GABRB1: variants seen among roughly 807,000 people sequenced by gnomAD.
GABRB1 encodes the protein gamma-aminobutyric acid type A receptor subunit beta1.
A neutral mutation model predicts 51.6 loss-of-function variants in GABRB1; 17 were observed. That is an observed-to-expected ratio of 0.33 (90% CI 0.23 to 0.49). GABRB1 has a LOEUF of 0.49. GABRB1 is among the 20% of genes least tolerant of loss of function. The probability of loss-of-function intolerance (pLI) is 0.99; values close to 1 mark genes in which losing one functional copy is unlikely to be tolerated. For missense variants in GABRB1, 410 were observed against 600.6 expected, an observed-to-expected ratio of 0.68 and a Z score of 3.32; for synonymous variants, 247 against 218.9, an observed-to-expected ratio of 1.13 and a Z score of -1.14.
intron 3 of GABRB1, among the ~76,000 whole-genome samples, chr4:47,126,740 T>C (rs1215300585): frequency 6.6e-6 from 1 of 152,080 alleles, no homozygotes; most frequent in Non-Finnish European, 1.5e-5. Context: ...AGGAAGCTTG[T>C]CATTTGTTTA....
intron 4 of GABRB1, among the ~76,000 whole-genome samples, chr4:47,217,637 T>C (rs1390417143): frequency 6.6e-6 from 1 of 151,770 alleles, no homozygotes; most frequent in Admixed American, 6.6e-5. Flanking sequence ...TCTCTTTATT[T>C]CCCTCCCCAG....
At chr4:47,219,026 G>A (rs1720663606) in intron 4 of GABRB1, among the ~76,000 whole-genome samples, 2 of 151,758 alleles carry the variant, frequency 1.3e-5, no homozygotes, top group African/African-American at 2.4e-5. Context: ...AAAACTTGAT[G>A]TTATTATTAA....
intron 3 of GABRB1, among the ~76,000 whole-genome samples, chr4:47,122,485 G>C (rs1268155441): frequency 6.6e-6 from 1 of 152,134 alleles, no homozygotes; most frequent in Non-Finnish European, 1.5e-5. Context: ...GCAACTGAAA[G>C]AGTAAAAGGT....
chr4:47,236,697 G>T (rs994275039), intron 4 of GABRB1, among the ~76,000 whole-genome samples: 1 of 152,126 alleles, frequency 6.6e-6, no homozygotes, highest in Non-Finnish European at 1.5e-5. Context: ...TAAAACAAAG[G>T]CAGAAAGGGA....
At chr4:47,095,971 T>A (rs1714408784) in intron 3 of GABRB1, among the ~76,000 whole-genome samples, 1 of 152,212 alleles carries the variant, frequency 6.6e-6, no homozygotes, top group South Asian at 2.1e-4. Context: ...AGTAGGATAA[T>A]GACAAGTATC....
At chr4:47,036,786 C>T (rs1725589965) in intron 3 of GABRB1, among the ~76,000 whole-genome samples, 1 of 151,590 alleles carries the variant, frequency 6.6e-6, no homozygotes, top group Admixed American at 6.6e-5. Context: ...CACTTGAACC[C>T]AGGAGGCTGG....
chr4:47,067,489 C>T (rs192478404), intron 3 of GABRB1, among the ~76,000 whole-genome samples: 3 of 152,292 alleles, frequency 2.0e-5, no homozygotes, highest in African/African-American at 7.2e-5. Flanking sequence ...TAGCCAACTT[C>T]ATCAATTATC....
intron 4 of GABRB1, among the ~76,000 whole-genome samples, chr4:47,181,526 T>C (rs1430387380): frequency 6.6e-6 from 1 of 152,014 alleles, no homozygotes; most frequent in Non-Finnish European, 1.5e-5. Flanking sequence ...GAGTTCTAAT[T>C]CTCGTTCCAT....
At chr4:47,037,563 T>TG (rs1446667515) in intron 3 of GABRB1, among the ~76,000 whole-genome samples, 1 of 151,026 alleles carries the variant, frequency 6.6e-6, no homozygotes, top group East Asian at 1.9e-4. Flanking sequence ...TTTTGTTTTT[T>TG]TTTTTTACTC....
chr4:47,340,525 G>C (rs1342903869), intron 5 of GABRB1, among the ~76,000 whole-genome samples: 4 of 152,112 alleles, frequency 2.6e-5, no homozygotes, highest in Non-Finnish European at 5.9e-5. Context: ...CTCCTGGTGA[G>C]GGCCCACTTC....
chr4:47,290,138 C>G (rs1391355826), intron 4 of GABRB1, among the ~76,000 whole-genome samples: 1 of 152,154 alleles, frequency 6.6e-6, no homozygotes, highest in Admixed American at 6.5e-5. Context: ...TGGACTGATA[C>G]AGTTTGGCTA....
chr4:47,060,924 G>T (rs536188125), intron 3 of GABRB1, among the ~76,000 whole-genome samples: 1 of 152,202 alleles, frequency 6.6e-6, no homozygotes, highest in African/African-American at 2.4e-5. Context: ...TAAATGTTAA[G>T]TGTCCAATTC....
chr4:47,053,929 G>A (rs1484936270), intron 3 of GABRB1, among the ~76,000 whole-genome samples: 1 of 152,094 alleles, frequency 6.6e-6, no homozygotes, highest in Non-Finnish European at 1.5e-5. Context: ...TGTTGCACGT[G>A]CATTGCTTTT....
At chr4:47,181,720 A>G (rs1198278686) in intron 4 of GABRB1, among the ~76,000 whole-genome samples, 1 of 152,042 alleles carries the variant, frequency 6.6e-6, no homozygotes, top group African/African-American at 2.4e-5. Context: ...TATTGTTGTA[A>G]TGATTAGCAT....
chr4:47,303,848 C>T (rs1191147581), intron 4 of GABRB1, among the ~76,000 whole-genome samples: 1 of 151,982 alleles, frequency 6.6e-6, no homozygotes, highest in Non-Finnish European at 1.5e-5. Context: ...TGGTAACCAG[C>T]ATTCTATTCT....
intron 5 of GABRB1, among the ~76,000 whole-genome samples, chr4:47,328,859 T>C (rs1725353508): frequency 6.6e-6 from 1 of 151,394 alleles, no homozygotes; most frequent in Non-Finnish European, 1.5e-5. Flanking sequence ...ATGGCACATG[T>C]ATACATATGT....
At chr4:47,391,988 G>A (rs372168560) in intron 5 of GABRB1, among the ~76,000 whole-genome samples, 60 of 152,030 alleles carry the variant, frequency 3.9e-4, no homozygotes, top group South Asian at 8.3e-4. Flanking sequence ...TCAGTACTAC[G>A]TAACTGACAG....
intron 3 of GABRB1, among the ~76,000 whole-genome samples, chr4:47,090,984 G>C (rs913537242): frequency 8.5e-5 from 13 of 152,090 alleles, no homozygotes; most frequent in African/African-American, 2.7e-4. Context: ...TAATTCAATA[G>C]TACTACTCAC....
At chr4:47,208,014 T>A (rs1162588537) in intron 4 of GABRB1, among the ~76,000 whole-genome samples, 5 of 151,914 alleles carry the variant, frequency 3.3e-5, no homozygotes, top group African/African-American at 1.2e-4. Context: ...CAAAAAAAAA[T>A]GATTTTTCTG....
Sources: gnomAD v4.1 joint callset for allele counts (sites outside exome capture counted in the v4.1 genomes callset) on GRCh38, gnomAD v4.1.1 for gene constraint, MANE v1.5 for transcripts, NCBI Gene and HGNC (gene_info 2026-07-23, HGNC 2026-07-21) for gene names.